The following DKC1 variants were observed in gnomAD, a reference collection of about 807,000 sequenced individuals.
DKC1 encodes dyskerin pseudouridine synthase 1, also known as H/ACA ribonucleoprotein complex subunit DKC1.
A neutral mutation model predicts 46.7 loss-of-function variants in DKC1; 4 were observed. The ratio of observed to expected loss-of-function variants is 0.09; its 90% CI spans 0.04 to 0.20. The LOEUF (loss-of-function observed/expected upper bound fraction) is 0.20. DKC1 is among the 10% of genes least tolerant of loss of function. The pLI, the probability that DKC1 is intolerant of heterozygous loss-of-function variation, is 1.00. For synonymous variants in DKC1, 141 were observed against 142.4 expected (o/e 0.99, Z 0.07); for missense variants, 171 against 404.2 (o/e 0.42, Z 4.95).
rs1247908042 is a variant in DKC1, at chrX:154,770,484, A to AG, written c.916-275_916-274insG. Among the ~76,000 whole-genome samples the AG allele has an allele frequency of 1.0e-4, 11 of 108,342 alleles. No individual in the cohort carries two copies. In the South Asian group the frequency reaches 3.6e-3, roughly 36 times the overall value. The allele number at this position is 108,342 out of a possible 115,157, so 94.1% of individuals were successfully genotyped here. A position where few individuals can be genotyped will look rare whatever the true frequency, so the allele number is the denominator to read the frequency against. Reference sequence around the variant, plus strand: ...CTGAAAATTAAAAAAAAAAAAAAAAAAAAAAGAAAATACTTGTGAGTCTCT... The same window carrying AG: ...CTGAAAATTAAAAAAAAAAAAAAAAAGAAAAAGAAAATACTTGTGAGTCTCT... On this transcript the variant is annotated intron_variant, in intron 9 of 14. Transcript: ENST00000369550.
intron 9 of DKC1, among the ~76,000 whole-genome samples, chrX:154,769,511 C>G (rs1013189605): frequency 2.7e-5 from 3 of 111,636 alleles, no homozygotes; most frequent in Non-Finnish European, 5.6e-5. Flanking sequence ...GCCTATAATC[C>G]TAGCACTTTG....
At chrX:154,767,894 A>AGGCT (rs1440070515) in intron 7 of DKC1, 3 of 129,707 alleles carry the variant, frequency 2.3e-5, no homozygotes, top group Non-Finnish European at 3.9e-5. Context: ...TCTGTCGCCC[A>AGGCT]GGCTGGAGTG....
rs782416166 is a variant in DKC1, at chrX:154,775,168, T to G, written c.1260-27T>G. The G allele has an allele frequency of 7.5e-5, 90 of 1,193,677 alleles. No homozygotes were observed. The South Asian group carries it at 1.5e-3, about 20-fold the overall frequency. On this transcript the variant is annotated intron_variant, in intron 12 of 14. Transcript: ENST00000369550. ...CTGCCCTGGAAAGCCATTCAGTGAATTTGACCTATTGCTACCTCTTTTTCA... is the reference window on the plus strand; with the variant it reads ...CTGCCCTGGAAAGCCATTCAGTGAAGTTGACCTATTGCTACCTCTTTTTCA...
intron 11 of DKC1, among the ~76,000 whole-genome samples, chrX:154,774,008 G>A (rs1423123766): frequency 8.9e-6 from 1 of 112,264 alleles, no homozygotes; most frequent in Non-Finnish European, 1.9e-5. Context: ...GAATACTTGG[G>A]CAGCTCTTGG....
chrX:154,762,864 G>T lies in DKC1; in HGVS notation c.-102G>T. On this transcript the variant is annotated 5_prime_UTR_variant, in exon 1 of 15. Coordinates refer to ENST00000369550, the MANE Select transcript of DKC1 (RefSeq NM_001363.5). ...GGCACGCACAGGGCAGTGCGCGGGT[G>T]GGTGGGTCCTAGCAGCGCGGCCTGA... 9.7e-7 allele frequency: 1 copy of T among 1,032,033 alleles called. No individual in the cohort carries two copies. The highest frequency in any genetic ancestry group is 1.3e-6 in the Non-Finnish European group (1 of 750,149). 85.1% of individuals were successfully genotyped at this position (1,032,033 alleles called of 1,213,427 possible).
At position 154,767,277 on chromosome X, in the gene DKC1, G is replaced by T; in HGVS notation, c.535G>T (p.Ala179Ser). The change falls in exon 7 of 15, where the codon GCC becomes TCC. Residue 179 changes from alanine (A) to serine (S), a missense_variant. By Grantham distance (99) the Ala-to-Ser change is moderately conservative. Transcript: ENST00000369550. Reference sequence around the variant, plus strand: ...TTAGGCCCTAGAAACTCTGACAGGTGCCTTATTCCAGCGACCCCCACTTAT... The same window carrying T: ...TTAGGCCCTAGAAACTCTGACAGGTTCCTTATTCCAGCGACCCCCACTTAT... ...LSRALETLTG[A>S]LFQRPPLIAA... 1 of 1,211,827 alleles carries T rather than the reference G, an allele frequency of 8.3e-7. No homozygotes were observed. Among genetic ancestry groups the T allele is most frequent in the Non-Finnish European group, 1.1e-6 (1 of 895,500 alleles).
chrX:154,768,140 G>A (rs1347308160), intron 7 of DKC1, 162 bp from the exon 8 acceptor site: 8 of 680,952 alleles, frequency 1.2e-5, no homozygotes, highest in African/African-American at 2.2e-5. Flanking sequence ...GTGAGCCACC[G>A]TGCCTGGCCA....
rs1166691304 is a variant in DKC1, at chrX:154,771,192, T to G, written c.1036+313T>G. ...TTTGGTTTTTTGGTGGTGGTGTTTT[T>G]TTTTTTTTTTTTTTTTTGAGACAGT... On this transcript the variant is annotated intron_variant, in intron 10 of 14. Coordinates refer to ENST00000369550, the MANE Select transcript of DKC1 (RefSeq NM_001363.5). Among the ~76,000 whole-genome samples, 6 of 98,141 alleles carry G rather than the reference T, an allele frequency of 6.1e-5. No individual in the cohort carries two copies. The Admixed American group carries it at 6.6e-4, about 11-fold the overall frequency. 85.2% of individuals were successfully genotyped at this position (98,141 alleles called of 115,157 possible).
At chrX:154,776,091 GA>G in intron 13 of DKC1, 95 bp from the exon 14 acceptor site, 1 of 1,068,922 alleles carries the variant, frequency 9.4e-7, no homozygotes, top group Non-Finnish European at 1.3e-6. Context: ...ATTCAGTTGG[GA>G]TCTTTCTTGG....
chrX:154,767,843 CTTTTTT>C (rs35184460), intron 7 of DKC1, among the ~76,000 whole-genome samples: 27 of 65,174 alleles, frequency 4.1e-4, no homozygotes, highest in Admixed American at 1.6e-3. Flanking sequence ...AATTACAGAT[CTTTTTT>C]TTTTTTTTTT....
chrX:154,769,528 T>C (rs1175584601), intron 9 of DKC1, among the ~76,000 whole-genome samples: 1 of 111,919 alleles, frequency 8.9e-6, no homozygotes, highest in African/African-American at 3.3e-5. Flanking sequence ...TTTGGCAGGC[T>C]GAGGCAAGAG....
rs1347625639 is a variant in DKC1, at chrX:154,774,656, C to G, written c.1210C>G (p.Pro404Ala). 8.3e-7 allele frequency: 1 copy of G among 1,210,110 alleles called. No individual in the cohort carries two copies. The highest frequency in any genetic ancestry group is 1.1e-6 in the Non-Finnish European group (1 of 895,082). ...KQGLLDKHGK[P>A]TDSTPATWKQ... ...GGGCCTTCTGGACAAGCATGGGAAG[C>G]CCACAGACAGCACACCTGCCACCTG... Residue 404 changes from proline (P) to alanine (A), a missense_variant, in exon 12 of 15, where the codon CCC (proline) becomes GCC (alanine). Pro to Ala is a conservative substitution (Grantham distance 27). Transcript: ENST00000369550.
At chrX:154,776,393 G>T in intron 14 of DKC1, 69 bp downstream of exon 14, 1 of 1,142,010 alleles carries the variant, frequency 8.8e-7, no homozygotes, top group Non-Finnish European at 1.2e-6. Flanking sequence ...TTACCCAGGT[G>T]GTACCAGCTT....
At chrX:154,770,376 C>G (rs2071805676) in intron 9 of DKC1, among the ~76,000 whole-genome samples, 1 of 104,237 alleles carries the variant, frequency 9.6e-6, no homozygotes, top group African/African-American at 3.5e-5. Flanking sequence ...GGCTGAGAAT[C>G]ACTTGAACTT....
chrX:154,765,319 G>A (rs947423064), intron 2 of DKC1, 125 bp from the exon 3 acceptor site: 3 of 603,015 alleles, frequency 5.0e-6, no homozygotes, highest in African/African-American at 2.2e-5. Context: ...TTCCCTTGGA[G>A]GTCCCAGTGA....
In DKC1 at chrX:154,766,185, G is replaced by A. The variant is rs189954837; in HGVS notation, c.264-31G>A. Reference sequence around the variant, plus strand: ...TTTCACTGGAGCATTAAGAGTGGGTGATACATTAATTTTTTTTTTTTCCAT... The same window carrying A: ...TTTCACTGGAGCATTAAGAGTGGGTAATACATTAATTTTTTTTTTTTCCAT... On this transcript the variant is annotated intron_variant, in intron 4 of 14. Coordinates refer to ENST00000369550, the MANE Select transcript of DKC1 (RefSeq NM_001363.5). 6.3e-4 allele frequency: 746 copies of A among 1,176,386 alleles called. 3 individuals are homozygous for A. In the African/African-American group the frequency reaches 0.012, roughly 19 times the overall value.
At chrX:154,774,294 G>A (rs782483933) in intron 11 of DKC1, among the ~76,000 whole-genome samples, 6 of 111,627 alleles carry the variant, frequency 5.4e-5, no homozygotes, top group Non-Finnish European at 1.1e-4. Flanking sequence ...TGGGTTAGGT[G>A]TTGGTGAAGT....
chrX:154,767,476 A>G, intron 7 of DKC1, 94 bp downstream of exon 7: 1 of 1,037,156 alleles, frequency 9.6e-7, no homozygotes, highest in Non-Finnish European at 1.4e-6. Flanking sequence ...AAGACTTTCT[A>G]AAACCTGCCC....
At chrX:154,770,726 C>T in intron 9 of DKC1, 33 bp from the exon 10 acceptor site, 1 of 1,209,712 alleles carries the variant, frequency 8.3e-7, no homozygotes, top group East Asian at 3.0e-5. Flanking sequence ...AGGGCAGCAG[C>T]TGGGCCCCTT....
Sources: gnomAD v4.1 joint callset for allele counts (sites outside exome capture counted in the v4.1 genomes callset) on GRCh38, gnomAD v4.1.1 for gene constraint, MANE v1.5 for transcripts, NCBI Gene and HGNC (gene_info 2026-07-23, HGNC 2026-07-21) for gene names.